NEMP2: variants seen among roughly 807,000 people sequenced by gnomAD.
The protein encoded by NEMP2 is nuclear envelope integral membrane protein 2.
Under a neutral mutation model 54.2 loss-of-function variants are expected in NEMP2, and 53 were observed. That is an observed-to-expected ratio of 0.98 (90% CI 0.78 to 1.23). NEMP2 has a LOEUF of 1.23. Ranked by LOEUF, NEMP2 falls within the 50% of genes most tolerant of loss-of-function variation. The pLI, the probability that NEMP2 is intolerant of heterozygous loss-of-function variation, is 0.00. For synonymous variants in NEMP2, 197 were observed against 190.3 expected, an observed-to-expected ratio of 1.04 and a Z score of -0.29; for missense variants, 455 against 511.3, an observed-to-expected ratio of 0.89 and a Z score of 1.06.
chr2:190,492,716 G>T, the NEMP2 span, among the ~76,000 whole-genome samples: 3 of 151,976 alleles, frequency 2.0e-5, no homozygotes, highest in African/African-American at 7.3e-5. The surrounding 1 kb of genome is among the most constrained non-coding windows in gnomAD (Gnocchi z 5.2). Flanking sequence ...ATAAATAAAG[G>T]AAAGATACAG....
the NEMP2 span, among the ~76,000 whole-genome samples, chr2:190,566,818 C>A: frequency 2.0e-5 from 3 of 151,460 alleles, no homozygotes; most frequent in African/African-American, 7.3e-5. Flanking sequence ...GTTTTTTCCC[C>A]AAAAAAGTTA....
the NEMP2 span, among the ~76,000 whole-genome samples, chr2:190,555,771 C>T: frequency 1.6e-3 from 250 of 152,144 alleles, 1 homozygote; most frequent in Non-Finnish European, 3.0e-3. This position sits in a 1 kb window ranked among gnomAD's most constrained non-coding sequence, Gnocchi z 4.8. Flanking sequence ...GAGAACTTCC[C>T]CAACCTAGCA....
the NEMP2 span, among the ~76,000 whole-genome samples, chr2:190,459,403 A>G: frequency 6.6e-6 from 1 of 152,236 alleles, no homozygotes; most frequent in Non-Finnish European, 1.5e-5. The surrounding 1 kb of genome is among the most constrained non-coding windows in gnomAD (Gnocchi z 5.3). Flanking sequence ...GATTCTTCTC[A>G]GGAAATTATA....
At chr2:190,623,518 T>C in the NEMP2 span, among the ~76,000 whole-genome samples, 1 of 152,222 alleles carries the variant, frequency 6.6e-6, no homozygotes, top group South Asian at 2.1e-4. Context: ...TCCATGCATT[T>C]ACAGCTAACC....
At chr2:190,465,436 A>G in the NEMP2 span, among the ~76,000 whole-genome samples, 85,478 of 151,600 alleles carry the variant, frequency 0.56, 25,526 homozygotes, top group Non-Finnish European at 0.69. The surrounding 1 kb of genome is among the most constrained non-coding windows in gnomAD (Gnocchi z 4.6). Flanking sequence ...TTTTTTTTTC[A>G]GTGTCTTGTA....
rs1691004353 is a variant in NEMP2 at position 190,528,053 on chromosome 2, T to C, written c.98-2675A>G. On this transcript the variant is annotated intron_variant, in intron 1 of 8. Transcript: ENST00000409150. The surrounding 1 kb of genome is among the most constrained non-coding windows in gnomAD (Gnocchi z 4.3). ...GAAAAACATGCTCCTGCATGGTGTG[T>C]CCATGCACAAGAGCCAAAAGAAGAA... 6.6e-6 allele frequency among the ~76,000 whole-genome samples: 1 copy of C among 152,138 alleles called. No homozygotes were observed. The highest frequency in any genetic ancestry group is 6.5e-5 in the Admixed American group (1 of 15,274).
At chr2:190,607,894 C>T in the NEMP2 span, 1 of 152,170 alleles carries the variant, frequency 6.6e-6, no homozygotes, top group Non-Finnish European at 1.5e-5. The surrounding 1 kb of genome is among the most constrained non-coding windows in gnomAD (Gnocchi z 5.2). Context: ...GGGTGGGCTT[C>T]CCTGGAAACA....
At chr2:190,475,291 G>A in the NEMP2 span, among the ~76,000 whole-genome samples, 1 of 152,208 alleles carries the variant, frequency 6.6e-6, no homozygotes, top group African/African-American at 2.4e-5. Context: ...GTTTGCAGAT[G>A]ACATGATTGT....
chr2:190,468,521 T>C, the NEMP2 span, among the ~76,000 whole-genome samples: 1 of 151,466 alleles, frequency 6.6e-6, no homozygotes, highest in African/African-American at 2.4e-5. Flanking sequence ...GGTGGGATTA[T>C]GGCTCAGGGC....
chr2:190,455,934 CTTTT>C, the NEMP2 span, among the ~76,000 whole-genome samples: 4 of 65,388 alleles, frequency 6.1e-5, no homozygotes, highest in Admixed American at 8.0e-4. Context: ...ATTTACTCTG[CTTTT>C]TTTTTTTTTT....
the NEMP2 span, among the ~76,000 whole-genome samples, chr2:190,559,189 G>T: frequency 3.3e-5 from 5 of 152,344 alleles, no homozygotes; most frequent in African/African-American, 9.6e-5. This position sits in a 1 kb window ranked among gnomAD's most constrained non-coding sequence, Gnocchi z 4.0. Context: ...TGAAGATAAT[G>T]TTGGGTTTCT....
the NEMP2 span, among the ~76,000 whole-genome samples, chr2:190,441,028 A>G: frequency 6.6e-5 from 10 of 152,306 alleles, no homozygotes; most frequent in African/African-American, 2.4e-4. Flanking sequence ...ATAAGAGGGA[A>G]GAAACTCTGC....
At chr2:190,542,270 G>C in the NEMP2 span, among the ~76,000 whole-genome samples, 1 of 152,172 alleles carries the variant, frequency 6.6e-6, no homozygotes, top group South Asian at 2.1e-4. The surrounding 1 kb of genome is among the most constrained non-coding windows in gnomAD (Gnocchi z 4.6). Flanking sequence ...TGAGTGCAGT[G>C]GTGCAATCTT....
chr2:190,599,633 C>A, the NEMP2 span, among the ~76,000 whole-genome samples: 2 of 152,034 alleles, frequency 1.3e-5, no homozygotes, highest in Admixed American at 1.3e-4. Context: ...AGGTGCTGTG[C>A]CCCTAGTCAG....
chr2:190,535,252 CAA>C (rs1202081467), upstream of NEMP2: 1 of 152,186 alleles, frequency 6.6e-6, no homozygotes, highest in East Asian at 1.9e-4. Flanking sequence ...CAAGCAATAA[CAA>C]ATTGGAAATT....
the NEMP2 span, among the ~76,000 whole-genome samples, chr2:190,571,134 G>A: frequency 6.6e-6 from 1 of 152,312 alleles, no homozygotes; most frequent in South Asian, 2.1e-4. Context: ...GTGAGATGGA[G>A]ATAATAGTAA....
the NEMP2 span, among the ~76,000 whole-genome samples, chr2:190,562,680 TTA>T: frequency 6.6e-6 from 1 of 152,156 alleles, no homozygotes; most frequent in African/African-American, 2.4e-5. The surrounding 1 kb of genome is among the most constrained non-coding windows in gnomAD (Gnocchi z 5.0). Flanking sequence ...TGCCCTAACT[TTA>T]TATAAATCTA....
the NEMP2 span, among the ~76,000 whole-genome samples, chr2:190,584,413 G>A: frequency 1.3e-5 from 2 of 152,122 alleles, no homozygotes; most frequent in South Asian, 2.1e-4. The surrounding 1 kb of genome is among the most constrained non-coding windows in gnomAD (Gnocchi z 4.2). Context: ...GATGTCCTGG[G>A]TCCTAAGAAA....
chr2:190,469,280 G>C, the NEMP2 span, among the ~76,000 whole-genome samples: 1 of 152,068 alleles, frequency 6.6e-6, no homozygotes, highest in African/African-American at 2.4e-5. This position sits in a 1 kb window ranked among gnomAD's most constrained non-coding sequence, Gnocchi z 5.3. Context: ...TTGGTATCTT[G>C]GGTATTATGA....
Sources: allele counts gnomAD v4.1 joint callset (sites outside exome capture counted in the v4.1 genomes callset), GRCh38; gene constraint gnomAD v4.1.1; non-coding constraint Gnocchi (gnomAD v3.1); transcripts MANE v1.5; gene names NCBI Gene and HGNC (gene_info 2026-07-23, HGNC 2026-07-21).